Variants in ZNF257 observed in about 807,000 individuals in gnomAD.
ZNF257 encodes the protein bone marrow zinc finger 4.
In ZNF257, 12 loss-of-function variants were observed where a neutral mutation model predicts 11.9. The ratio of observed to expected loss-of-function variants is 1.01; its 90% CI spans 0.65 to 1.63. The LOEUF (loss-of-function observed/expected upper bound fraction) is 1.63, where lower values mean the gene tolerates loss of function less well. ZNF257 is among the 40% of genes most tolerant of loss of function. The pLI, the probability that ZNF257 is intolerant of heterozygous loss-of-function variation, is 0.00. For missense variants in ZNF257, 580 were observed against 665.5 expected, an observed-to-expected ratio of 0.87 and a Z score of 1.41; for synonymous variants, 183 against 222.7, an observed-to-expected ratio of 0.82 and a Z score of 1.59.
chr19:22,053,472 TAAAG>T, intron 1 of ZNF257, among the ~76,000 whole-genome samples: 1 of 150,796 alleles, frequency 6.6e-6, no homozygotes, highest in East Asian at 2.0e-4. Flanking sequence ...TAACATGAGA[TAAAG>T]AAAACCAAAT....
intron 1 of ZNF257, among the ~76,000 whole-genome samples, chr19:22,059,548 A>G (rs146855840): frequency 1.0e-3 from 155 of 151,826 alleles, no homozygotes; most frequent in African/African-American, 3.6e-3. Flanking sequence ...CGGCCTCCCA[A>G]AGTGCTGGGA....
At chr19:22,062,489 T>G (rs969461981) in intron 1 of ZNF257, among the ~76,000 whole-genome samples, 111 of 150,836 alleles carry the variant, frequency 7.4e-4, no homozygotes, top group African/African-American at 2.5e-3. Flanking sequence ...TCTTTCTTTT[T>G]TTTTTTTTTT....
At chr19:22,070,657 C>T (rs754140131) in intron 1 of ZNF257, among the ~76,000 whole-genome samples, 66 of 148,926 alleles carry the variant, frequency 4.4e-4, no homozygotes, top group Admixed American at 9.4e-4. Context: ...TGGTTGTCTT[C>T]ATTTGCCCTA....
At chr19:22,073,588 C>G in intron 3 of ZNF257, 24 bp downstream of exon 3, 1 of 1,600,216 alleles carries the variant, frequency 6.2e-7, no homozygotes, top group Non-Finnish European at 8.5e-7. Flanking sequence ...AAAGCCAGTA[C>G]AACAGGTGAA....
chr19:22,072,982 T>C (rs894504956), intron 2 of ZNF257, 47 bp downstream of exon 2: 3 of 1,464,096 alleles, frequency 2.0e-6, no homozygotes, highest in African/African-American at 2.0e-5. Flanking sequence ...CCAAAGGCTT[T>C]ATTTTTTATT....
In ZNF257 at chr19:22,089,023, C is replaced by A; in HGVS notation, c.1273C>A (p.His425Asn). Residue 425 changes from histidine (H) to asparagine (N), a missense_variant, in exon 4 of 4, where the codon CAT becomes AAT. Physicochemically the swap from His to Asn is moderately conservative, Grantham distance 68 (BLOSUM62 1). Transcript: ENST00000594947. Reference protein sequence around the residue: ...LTTLTQHKIIHTGEKPYKCEE... With the variant: ...LTTLTQHKIINTGEKPYKCEE... Reference sequence around the variant, plus strand: ...TACCCTTACTCAGCATAAGATAATTCATACTGGAGAGAAACCCTACAAATG... The same window carrying A: ...TACCCTTACTCAGCATAAGATAATTAATACTGGAGAGAAACCCTACAAATG... 1 of 1,613,652 alleles carries A rather than the reference C, an allele frequency of 6.2e-7. No homozygotes were observed. Among genetic ancestry groups the A allele is most frequent in the Non-Finnish European group, 8.5e-7 (1 of 1,179,828 alleles).
chr19:22,088,132 G>T lies in ZNF257; in HGVS notation c.382G>T (p.Gly128Ter), dbSNP rs956258052. ...TGTGGATGAGTGTAAGGTGTGCAAA[G>T]GAGGTTATAATGGACTTAACCAATG... ...KSVDECKVCK[G>*]GYNGLNQCLI... Residue 128 changes from glycine to a stop codon, truncating the protein, a stop_gained, in exon 4 of 4, where the codon GGA becomes TGA. Coordinates refer to ENST00000594947, the MANE Select transcript of ZNF257 (RefSeq NM_033468.4). LOFTEE classifies it low-confidence loss of function (END_TRUNC). The T allele has an allele frequency of 1.2e-5, 19 of 1,550,838 alleles. No individual in the cohort carries two copies. Among genetic ancestry groups the T allele is most frequent in the Non-Finnish European group, 1.6e-5 (18 of 1,149,764 alleles).
chr19:22,078,120 C>A (rs1297823477), intron 3 of ZNF257, among the ~76,000 whole-genome samples: 1 of 151,104 alleles, frequency 6.6e-6, no homozygotes, highest in Admixed American at 6.6e-5. Context: ...CGCCTGTAGT[C>A]CCAGCTACTC....
intron 3 of ZNF257, among the ~76,000 whole-genome samples, chr19:22,079,902 G>C (rs2022321763): frequency 6.6e-6 from 1 of 152,078 alleles, no homozygotes; most frequent in Non-Finnish European, 1.5e-5. Flanking sequence ...TTTTGGACTT[G>C]CCAGTTTTGC....
In ZNF257 at chr19:22,072,907, A is replaced by G; in HGVS notation, c.102A>G (p.Leu34=). The G allele has an allele frequency of 6.2e-7, 1 of 1,613,166 alleles. No homozygotes were observed. The highest frequency in any genetic ancestry group is 8.5e-7 in the Non-Finnish European group (1 of 1,179,576). ...AGAATTTATATAGGGATGTGATGTT[A>G]GAGAACTACAGAAACCTGGTCTTCC... The part of the protein sequence containing the change: ...AQQNLYRDVM[L]ENYRNLVFLG... The change falls in exon 2 of 4, where the codon TTA becomes TTG. Residue 34 remains leucine, a synonymous_variant. Coordinates refer to ENST00000594947, the MANE Select transcript of ZNF257 (RefSeq NM_033468.4).
chr19:22,069,546 C>T (rs886930726), intron 1 of ZNF257, among the ~76,000 whole-genome samples: 9 of 151,638 alleles, frequency 5.9e-5, no homozygotes, highest in South Asian at 2.1e-4. Context: ...ACCCAGGAGG[C>T]GGAGGTTGCA....
At chr19:22,077,124 G>T (rs1599669688) in intron 3 of ZNF257, among the ~76,000 whole-genome samples, 1 of 152,112 alleles carries the variant, frequency 6.6e-6, no homozygotes, top group South Asian at 2.1e-4. Flanking sequence ...GACCAGCCTG[G>T]GCAGCATATA....
At chr19:22,075,236 T>G (rs2022200247) in intron 3 of ZNF257, 1 of 170,862 alleles carries the variant, frequency 5.9e-6, no homozygotes, top group Non-Finnish European at 1.3e-5. Flanking sequence ...GACTTTGCTC[T>G]GTAGGGCAGA....
chr19:22,087,120 T>G (rs1042692493), intron 3 of ZNF257, among the ~76,000 whole-genome samples: 2 of 151,964 alleles, frequency 1.3e-5, no homozygotes, highest in Non-Finnish European at 2.9e-5. Flanking sequence ...TTTCTAAAAT[T>G]TATACATTTT....
chr19:22,056,528 T>G (rs1384673123), intron 1 of ZNF257, among the ~76,000 whole-genome samples: 1 of 147,258 alleles, frequency 6.8e-6, no homozygotes, highest in Non-Finnish European at 1.5e-5. Flanking sequence ...CAGGCTGGAG[T>G]GCAGTGGCAC....
intron 1 of ZNF257, among the ~76,000 whole-genome samples, chr19:22,067,554 A>T (rs987513629): frequency 6.6e-6 from 1 of 152,186 alleles, no homozygotes; most frequent in Non-Finnish European, 1.5e-5. Context: ...ATGAGAGCTC[A>T]GGTTGGGTGC....
Position 22,088,652 on chromosome 19 carries a change from C to T in ZNF257, c.902C>T (p.Thr301Ile). 1.2e-6 allele frequency: 2 copies of T among 1,613,590 alleles called. No individual in the cohort carries two copies. The highest frequency in any genetic ancestry group is 1.3e-5 in the African/African-American group (1 of 74,870). ...GCCTTTAAGTGGTCCTCAGCTCTTA[C>T]TACCCTTACTCAACATAAGAGAATT... ...CKAFKWSSAL[T>I]TLTQHKRIHT... The change falls in exon 4 of 4, where the codon ACT becomes ATT. Residue 301 changes from threonine (T) to isoleucine (I), a missense_variant. Physicochemically the swap from Thr to Ile is moderately conservative, Grantham distance 89. Coordinates refer to ENST00000594947, the MANE Select transcript of ZNF257 (RefSeq NM_033468.4).
chr19:22,056,172 G>A (rs1023927851), intron 1 of ZNF257, among the ~76,000 whole-genome samples: 14 of 151,980 alleles, frequency 9.2e-5, no homozygotes, highest in Non-Finnish European at 1.8e-4. Context: ...ACAAAGGGAC[G>A]GGGGAGCACT....
intron 1 of ZNF257, among the ~76,000 whole-genome samples, chr19:22,056,324 A>G (rs1426325876): frequency 6.6e-6 from 1 of 152,084 alleles, no homozygotes; most frequent in East Asian, 1.9e-4. Flanking sequence ...TATTTTTAGT[A>G]GAGATGGGTT....
Sources: allele counts gnomAD v4.1 joint callset (sites outside exome capture counted in the v4.1 genomes callset), GRCh38; gene constraint gnomAD v4.1.1; transcripts MANE v1.5; gene names NCBI Gene and HGNC (gene_info 2026-07-23, HGNC 2026-07-21).